ASIC2: variants seen among roughly 807,000 people sequenced by gnomAD.
ASIC2 encodes the protein acid sensing ion channel subunit 2.
In ASIC2, 25 loss-of-function variants were observed where a neutral mutation model predicts 57.3. The observed-to-expected ratio is 0.44, with a 90% CI of 0.32 to 0.61. The LOEUF (loss-of-function observed/expected upper bound fraction) is 0.61. Among genes scored for constraint, ASIC2 ranks in the 20% least tolerant of loss-of-function variants. The pLI is 0.06. For missense variants in ASIC2, 641 were observed against 738.1 expected (o/e 0.87, Z 1.52); for synonymous variants, 319 against 307.5 (o/e 1.04, Z -0.39).
intron 1 of ASIC2, among the ~76,000 whole-genome samples, chr17:34,023,854 C>T (rs2142031186): frequency 6.6e-6 from 1 of 152,314 alleles, no homozygotes; most frequent in African/African-American, 2.4e-5. Context: ...AAGACAAGTT[C>T]TTTACTGGGT....
intron 1 of ASIC2, among the ~76,000 whole-genome samples, chr17:34,128,574 G>C (rs1262936844): frequency 6.6e-6 from 1 of 151,828 alleles, no homozygotes. Flanking sequence ...CCTTTCAGTG[G>C]AGAAGGGAAA....
intron 1 of ASIC2, among the ~76,000 whole-genome samples, chr17:33,243,429 G>T (rs1908579751): frequency 6.6e-6 from 1 of 152,188 alleles, no homozygotes; most frequent in Admixed American, 6.5e-5. Flanking sequence ...GGGGCACCAT[G>T]GCTGCCAGGG....
intron 1 of ASIC2, among the ~76,000 whole-genome samples, chr17:33,757,614 C>A (rs1398756715): frequency 6.6e-6 from 1 of 152,212 alleles, no homozygotes; most frequent in East Asian, 1.9e-4. Flanking sequence ...ACAACAAATA[C>A]AGCTCTTAGA....
At chr17:33,613,942 T>A (rs877005) in intron 1 of ASIC2, among the ~76,000 whole-genome samples, 2 of 151,950 alleles carry the variant, frequency 1.3e-5, no homozygotes, top group Non-Finnish European at 2.9e-5. Context: ...GTGACTATAA[T>A]GAATATTCCT....
chr17:33,191,672 C>T (rs1485326877), intron 1 of ASIC2, among the ~76,000 whole-genome samples: 1 of 151,770 alleles, frequency 6.6e-6, no homozygotes, highest in African/African-American at 2.4e-5. Flanking sequence ...GATCCACGGC[C>T]CTCTACACCC....
chr17:34,059,165 C>T (rs1908876780), intron 1 of ASIC2, among the ~76,000 whole-genome samples: 1 of 152,136 alleles, frequency 6.6e-6, no homozygotes, highest in African/African-American at 2.4e-5. Flanking sequence ...GGGAGACACC[C>T]CAAATACTGT....
At chr17:33,519,273 C>G (rs145239464) in intron 1 of ASIC2, among the ~76,000 whole-genome samples, 1 of 152,156 alleles carries the variant, frequency 6.6e-6, no homozygotes, top group African/African-American at 2.4e-5. Context: ...TTCCGTTATA[C>G]AAATAGAAGC....
chr17:33,535,168 A>T (rs1050719260), intron 1 of ASIC2, among the ~76,000 whole-genome samples: 16 of 152,034 alleles, frequency 1.1e-4, no homozygotes, highest in Non-Finnish European at 2.1e-4. Flanking sequence ...CTGTGTAGGG[A>T]AGTGGTTGCC....
intron 1 of ASIC2, among the ~76,000 whole-genome samples, chr17:33,948,777 A>G (rs1904467065): frequency 6.6e-6 from 1 of 152,238 alleles, no homozygotes; most frequent in South Asian, 2.1e-4. Flanking sequence ...AGGATTAGAC[A>G]AAGCAAGAGA....
chr17:33,211,948 A>G (rs781633029), intron 1 of ASIC2, among the ~76,000 whole-genome samples: 3 of 151,256 alleles, frequency 2.0e-5, no homozygotes, highest in Admixed American at 6.6e-5. Context: ...TGTGGATCCT[A>G]TCGATCCTCA....
chr17:33,431,069 T>C (rs1911400260), intron 1 of ASIC2, among the ~76,000 whole-genome samples: 1 of 151,818 alleles, frequency 6.6e-6, no homozygotes, highest in Non-Finnish European at 1.5e-5. Context: ...AAAAAGAGAA[T>C]CCCCAAGTAG....
At chr17:33,737,342 G>C (rs942480571) in intron 1 of ASIC2, among the ~76,000 whole-genome samples, 1 of 152,240 alleles carries the variant, frequency 6.6e-6, no homozygotes, top group East Asian at 1.9e-4. Flanking sequence ...TTGAATCCAG[G>C]ACCATGACCT....
intron 1 of ASIC2, among the ~76,000 whole-genome samples, chr17:33,164,913 C>T (rs1326544459): frequency 2.0e-5 from 3 of 152,142 alleles, no homozygotes; most frequent in African/African-American, 4.8e-5. Flanking sequence ...ATCTGGGCCC[C>T]ACTCTCTCTC....
intron 1 of ASIC2, among the ~76,000 whole-genome samples, chr17:33,906,475 G>A (rs1292143887): frequency 6.6e-6 from 1 of 152,300 alleles, no homozygotes; most frequent in Non-Finnish European, 1.5e-5. Context: ...GAGAGAAGAT[G>A]CATGATGGAA....
chr17:33,740,975 A>G (rs1910094639), intron 1 of ASIC2, among the ~76,000 whole-genome samples: 1 of 152,182 alleles, frequency 6.6e-6, no homozygotes, highest in African/African-American at 2.4e-5. Context: ...TCAACACCTT[A>G]AGAGACTCTC....
chr17:33,113,604 G>C (rs1388830947), intron 1 of ASIC2, among the ~76,000 whole-genome samples: 2 of 152,188 alleles, frequency 1.3e-5, no homozygotes, highest in Non-Finnish European at 2.9e-5. Context: ...AAATAACAGA[G>C]GTGACTGTTG....
At chr17:33,925,309 C>T (rs752149692) in intron 1 of ASIC2, among the ~76,000 whole-genome samples, 37 of 152,224 alleles carry the variant, frequency 2.4e-4, no homozygotes, top group Admixed American at 3.9e-4. Context: ...TGAAGGCACC[C>T]CATGCATGAC....
intron 1 of ASIC2, among the ~76,000 whole-genome samples, chr17:33,398,577 ATGG>A (rs1367746591): frequency 2.0e-5 from 3 of 152,032 alleles, no homozygotes; most frequent in Non-Finnish European, 2.9e-5. Context: ...GATGATAGTG[ATGG>A]TGGTGGTGAT....
intron 3 of ASIC2, among the ~76,000 whole-genome samples, chr17:33,044,904 C>G (rs1317931041): frequency 6.6e-6 from 1 of 152,136 alleles, no homozygotes. Context: ...GGGTGGTCAC[C>G]TTTGAGCTGA....
Sources: allele counts gnomAD v4.1 joint callset (sites outside exome capture counted in the v4.1 genomes callset), GRCh38; gene constraint gnomAD v4.1.1; transcripts MANE v1.5; gene names NCBI Gene and HGNC (gene_info 2026-07-23, HGNC 2026-07-21).